The following FBLN7 variants were observed in gnomAD, a reference collection of about 807,000 sequenced individuals.
FBLN7 encodes fibulin-7.
In FBLN7, 31 loss-of-function variants were observed where a neutral mutation model predicts 44.0. That is an observed-to-expected ratio of 0.70 (90% CI 0.53 to 0.95). FBLN7 has a LOEUF of 0.95. Ranked by LOEUF, FBLN7 falls within the 40% of genes least tolerant of loss-of-function variation. The pLI, the probability that FBLN7 is intolerant of heterozygous loss-of-function variation, is 0.00. For synonymous variants in FBLN7, 262 were observed against 253.4 expected (o/e 1.03, Z -0.32); for missense variants, 573 against 618.5 (o/e 0.93, Z 0.78).
chr2:112,229,416 C>A, the FBLN7 span, among the ~76,000 whole-genome samples: 1 of 152,152 alleles, frequency 6.6e-6, no homozygotes, highest in African/African-American at 2.4e-5. Context: ...AGGTGGAGTA[C>A]AGTTTCCTTC....
At chr2:112,194,751 C>T in the FBLN7 span, among the ~76,000 whole-genome samples, 1 of 152,226 alleles carries the variant, frequency 6.6e-6, no homozygotes, top group South Asian at 2.1e-4. Context: ...AACCTGGCTT[C>T]CCGTCAGTGG....
At chr2:112,182,965 A>G (rs1323576952) in intron 6 of FBLN7, 37 bp downstream of exon 6, 4 of 1,605,356 alleles carry the variant, frequency 2.5e-6, no homozygotes, top group Non-Finnish European at 3.4e-6. Flanking sequence ...GCACCCAGCC[A>G]CCTGCTGCTG....
the FBLN7 span, chr2:112,215,837 C>T: frequency 6.6e-4 from 101 of 152,116 alleles, no homozygotes; most frequent in African/African-American, 2.2e-3. Flanking sequence ...TATATTTTAA[C>T]AACAGAAAAG....
chr2:112,180,125 A>T (rs1006002302), intron 4 of FBLN7, among the ~76,000 whole-genome samples: 2 of 152,214 alleles, frequency 1.3e-5, no homozygotes, highest in African/African-American at 4.8e-5. Flanking sequence ...TCTATAAGGA[A>T]CTTAAATTTA....
intron 2 of FBLN7, among the ~76,000 whole-genome samples, chr2:112,160,769 C>CACAA (rs1266193761): frequency 4.9e-5 from 2 of 41,102 alleles, no homozygotes; most frequent in Non-Finnish European, 6.0e-5. Flanking sequence ...CGCACGCACA[C>CACAA]GCAGACGCAC....
intron 3 of FBLN7, among the ~76,000 whole-genome samples, chr2:112,169,695 C>T (rs1328588122): frequency 6.6e-6 from 1 of 152,140 alleles, no homozygotes; most frequent in Non-Finnish European, 1.5e-5. Context: ...CAGACACGAC[C>T]CTGGCCTCTG....
In FBLN7 at chr2:112,164,541, G is replaced by T. The variant is rs771645021; in HGVS notation, c.236-460G>T. ...TGGCATATGAGTGGAAACCTGGAGAGTGAGAAGGAGCCAGTTGTGGAAGCT... is the reference window on the plus strand; with the variant it reads ...TGGCATATGAGTGGAAACCTGGAGATTGAGAAGGAGCCAGTTGTGGAAGCT... On this transcript the variant is annotated intron_variant, in intron 2 of 7. Coordinates refer to ENST00000331203, the MANE Select transcript of FBLN7 (RefSeq NM_153214.3). Among the ~76,000 whole-genome samples the T allele has an allele frequency of 1.3e-5, 2 of 152,312 alleles. 1 individual carries two copies. The highest frequency in any genetic ancestry group is 4.1e-4 in the South Asian group (2 of 4,822).
intron 1 of FBLN7, among the ~76,000 whole-genome samples, chr2:112,139,840 C>A (rs1231642800): frequency 1.3e-5 from 1 of 78,568 alleles, no homozygotes; most frequent in Admixed American, 1.1e-4. Flanking sequence ...AGTGTCCCTC[C>A]CGCCTCTCTC....
At chr2:112,182,483 G>A (rs1030680909) in intron 5 of FBLN7, among the ~76,000 whole-genome samples, 21 of 152,316 alleles carry the variant, frequency 1.4e-4, no homozygotes, top group Non-Finnish European at 2.2e-4. Context: ...GGCTTGATTT[G>A]CCAGCCTCTG....
the FBLN7 span, among the ~76,000 whole-genome samples, chr2:112,227,755 TAAC>T: frequency 6.6e-6 from 1 of 151,958 alleles, no homozygotes; most frequent in Admixed American, 6.6e-5. Flanking sequence ...ACGAATAAAT[TAAC>T]AAAAAAGTGT....
intron 1 of FBLN7, among the ~76,000 whole-genome samples, chr2:112,140,366 C>T (rs1432477464): frequency 2.6e-5 from 4 of 152,238 alleles, no homozygotes; most frequent in Non-Finnish European, 4.4e-5. Flanking sequence ...CTGTCCCGCG[C>T]GCAGGGGAGG....
At chr2:112,244,686 A>G in the FBLN7 span, among the ~76,000 whole-genome samples, 28 of 152,326 alleles carry the variant, frequency 1.8e-4, no homozygotes, top group East Asian at 5.2e-3. Flanking sequence ...TTCTCGCAAT[A>G]CATCTGTTAT....
chr2:112,189,138 G>A (rs1355062671), downstream of FBLN7: 1 of 152,330 alleles, frequency 6.6e-6, no homozygotes, highest in African/African-American at 2.4e-5. Flanking sequence ...GATATGATGT[G>A]TTCAGGGGGA....
At chr2:112,219,134 T>C in the FBLN7 span, among the ~76,000 whole-genome samples, 1 of 152,094 alleles carries the variant, frequency 6.6e-6, no homozygotes, top group Non-Finnish European at 1.5e-5. Context: ...AAGGAACAAA[T>C]AGCCAAAATC....
At chr2:112,192,314 T>C (rs1436363271), downstream of FBLN7, among the ~76,000 whole-genome samples, 1 of 152,186 alleles carries the variant, frequency 6.6e-6, no homozygotes, top group African/African-American at 2.4e-5. Context: ...TTCTTGTTCC[T>C]GAATCAAAGA....
chr2:112,233,983 T>C, the FBLN7 span: 7 of 552,090 alleles, frequency 1.3e-5, no homozygotes, highest in Non-Finnish European at 2.1e-5. Context: ...CATAAAAGAA[T>C]ACTTCACTAA....
chr2:112,191,777 T>C (rs1355784771), downstream of FBLN7, among the ~76,000 whole-genome samples: 1 of 152,216 alleles, frequency 6.6e-6, no homozygotes, highest in Admixed American at 6.5e-5. Flanking sequence ...GATTTACTGA[T>C]TATACCTCCT....
chr2:112,176,059 T>TA (rs765859426), intron 4 of FBLN7: 7 of 411,812 alleles, frequency 1.7e-5, no homozygotes, highest in African/African-American at 4.1e-5. Context: ...ACCCTTCTTA[T>TA]AGTAGAAAAC....
intron 1 of FBLN7, among the ~76,000 whole-genome samples, chr2:112,142,810 G>A (rs1267039672): frequency 6.6e-6 from 1 of 152,080 alleles, no homozygotes; most frequent in African/African-American, 2.4e-5. Flanking sequence ...CTCTGTGTGT[G>A]GTTGTGTGTA....
Sources: gnomAD v4.1 joint callset for allele counts (sites outside exome capture counted in the v4.1 genomes callset) on GRCh38, gnomAD v4.1.1 for gene constraint, MANE v1.5 for transcripts, NCBI Gene and HGNC (gene_info 2026-07-23, HGNC 2026-07-21) for gene names.